The following TMEM255B variants were observed in gnomAD, a reference collection of about 807,000 sequenced individuals.
The protein encoded by TMEM255B is transmembrane protein 255B.
A neutral mutation model predicts 34.5 loss-of-function variants in TMEM255B; 35 were observed. That is an observed-to-expected ratio of 1.01 (90% CI 0.77 to 1.34). The LOEUF (loss-of-function observed/expected upper bound fraction) is 1.34, where lower values mean the gene tolerates loss of function less well. Among genes scored for constraint, TMEM255B ranks in the 40% most tolerant of loss-of-function variants. The probability of loss-of-function intolerance (pLI) is 0.00; values close to 1 mark genes in which losing one functional copy is unlikely to be tolerated. For synonymous variants in TMEM255B, 206 were observed against 201.2 expected (o/e 1.02, Z -0.20); for missense variants, 432 against 433.2 (o/e 1.00, Z 0.02).
chr13:113,788,656 G>C (rs534148456), intron 3 of TMEM255B, among the ~76,000 whole-genome samples: 1 of 152,096 alleles, frequency 6.6e-6, no homozygotes, highest in Non-Finnish European at 1.5e-5. Context: ...TTGCCCATCC[G>C]GGCCCTGGCT....
Position 113,759,356 on chromosome 13 carries a change from G to C in TMEM255B, c.46+41G>C, listed in dbSNP as rs2050253977. On this transcript the variant is annotated intron_variant, in intron 1 of 8. Coordinates refer to ENST00000375353, the MANE Select transcript of TMEM255B (RefSeq NM_182614.4). ...GGGGCTCGTCTCGGCTCCTGCGGGG[G>C]AGCGTGGGGACCCCGGGGCTGGGAC... 1.5e-5 allele frequency: 18 copies of C among 1,228,778 alleles called. No individual in the cohort carries two copies. In the South Asian group the frequency reaches 7.0e-4, roughly 48 times the overall value. 76.1% of individuals were successfully genotyped at this position (1,228,778 alleles called of 1,614,324 possible).
rs978685684 is a variant in TMEM255B at position 113,770,733 on chromosome 13, C to T, written c.252+1573C>T. On this transcript the variant is annotated intron_variant, in intron 3 of 8. Transcript: ENST00000375353. The surrounding 1 kb of genome is among the most constrained non-coding windows in gnomAD (Gnocchi z 4.6). ...AGGGTGGGCAAAGGCCTCACACACA[C>T]CAGTCACAGAATGGTGTTGGAAACA... Among the ~76,000 whole-genome samples the T allele has an allele frequency of 2.0e-5, 3 of 152,144 alleles. No individual in the cohort carries two copies. Among genetic ancestry groups the T allele is most frequent in the Admixed American group, 6.5e-5 (1 of 15,288 alleles).
At chr13:113,761,724 T>C (rs1353419211) in intron 1 of TMEM255B, among the ~76,000 whole-genome samples, 2 of 152,234 alleles carry the variant, frequency 1.3e-5, no homozygotes, top group Non-Finnish European at 2.9e-5. Flanking sequence ...CGTGTCTCAC[T>C]GGACGCTTAT....
intron 3 of TMEM255B, among the ~76,000 whole-genome samples, chr13:113,771,171 G>A (rs1020589969): frequency 6.6e-6 from 1 of 152,106 alleles, no homozygotes; most frequent in Non-Finnish European, 1.5e-5. Flanking sequence ...CCCAGCCTAA[G>A]CAACCAGGAA....
chr13:113,767,044 CTGG>C (rs1373471420), intron 2 of TMEM255B, among the ~76,000 whole-genome samples: 1 of 152,210 alleles, frequency 6.6e-6, no homozygotes, highest in African/African-American at 2.4e-5. Context: ...GCCCCAGAGC[CTGG>C]TTGCTACGTC....
In TMEM255B at chr13:113,813,006, G is replaced by T. The variant is rs2051356899; in HGVS notation, c.*1103G>T. On this transcript the variant is annotated 3_prime_UTR_variant, in exon 9 of 9. Transcript: ENST00000375353. Reference sequence around the variant, plus strand: ...GTCCCGGGTGGGTCACGGGTCCCGAGTGGGTCACGGGTCCCGGGTGGGTCA... The same window carrying T: ...GTCCCGGGTGGGTCACGGGTCCCGATTGGGTCACGGGTCCCGGGTGGGTCA... 1 of 114,206 alleles carries T rather than the reference G, an allele frequency of 8.8e-6. No homozygotes were observed. Among genetic ancestry groups the T allele is most frequent in the Non-Finnish European group, 1.7e-5 (1 of 60,446 alleles). The allele number at this position is 114,206 out of a possible 1,614,324, so 7.1% of individuals were successfully genotyped here. A position where few individuals can be genotyped will look rare whatever the true frequency, so the allele number is the denominator to read the frequency against.
intron 1 of TMEM255B, among the ~76,000 whole-genome samples, chr13:113,761,765 T>G (rs2050312191): frequency 1.3e-5 from 2 of 152,208 alleles, no homozygotes; most frequent in South Asian, 2.1e-4. Context: ...GAGCAGGTGG[T>G]TCTCATGATT....
At chr13:113,800,694 A>T in intron 5 of TMEM255B, 133 bp from the exon 6 acceptor site, 1 of 780,534 alleles carries the variant, frequency 1.3e-6, no homozygotes. Flanking sequence ...GAGTCGGGGG[A>T]AAGTCGGGGG....
chr13:113,774,472 C>A (rs1296632980), intron 3 of TMEM255B, among the ~76,000 whole-genome samples: 1 of 152,164 alleles, frequency 6.6e-6, no homozygotes, highest in African/African-American at 2.4e-5. Flanking sequence ...ACTGGCAATT[C>A]TCCTGTGCCC....
intron 3 of TMEM255B, among the ~76,000 whole-genome samples, chr13:113,772,897 C>T (rs1031272501): frequency 6.6e-6 from 1 of 152,122 alleles, no homozygotes; most frequent in Non-Finnish European, 1.5e-5. Flanking sequence ...CCTTGCAATT[C>T]CATATGAATT....
At chr13:113,805,643 A>G (rs2051157476) in intron 8 of TMEM255B, among the ~76,000 whole-genome samples, 1 of 152,200 alleles carries the variant, frequency 6.6e-6, no homozygotes, top group Non-Finnish European at 1.5e-5. Flanking sequence ...CACTGTAGGC[A>G]TTCAGGGCTG....
rs7399685 is a variant in TMEM255B, at chr13:113,813,974, A to G, written c.*2071A>G. 79,188 of 151,910 alleles carry G rather than the reference A, an allele frequency of 0.52. 22,530 individuals carry two copies. The highest frequency in any genetic ancestry group is 0.76 in the African/African-American group (31,450 of 41,450). 9.4% of individuals were successfully genotyped at this position (151,910 alleles called of 1,614,324 possible). ...GAAGCTGAACAAGCAGCAGAGACCA[A>G]GAGGTTTCTGGAGCGCCGGGAGATG... is the stretch of plus-strand genomic sequence containing the variant. On this transcript the variant is annotated 3_prime_UTR_variant, in exon 9 of 9. Coordinates refer to ENST00000375353, the MANE Select transcript of TMEM255B (RefSeq NM_182614.4).
chr13:113,778,346 G>A (rs1472966468), intron 3 of TMEM255B, among the ~76,000 whole-genome samples: 1 of 152,230 alleles, frequency 6.6e-6, no homozygotes, highest in Non-Finnish European at 1.5e-5. Context: ...CTGCTGTAAC[G>A]ATGTGATGAT....
rs569255630 is a variant in TMEM255B, at chr13:113,806,444, G to A, written c.813+1416G>A. Among the ~76,000 whole-genome samples, 5 of 152,106 alleles carry A rather than the reference G, an allele frequency of 3.3e-5. No homozygotes were observed. The highest frequency in any genetic ancestry group is 6.5e-5 in the Admixed American group (1 of 15,290). On this transcript the variant is annotated intron_variant, in intron 8 of 8. Coordinates refer to ENST00000375353, the MANE Select transcript of TMEM255B (RefSeq NM_182614.4). This position sits in a 1 kb window ranked among gnomAD's most constrained non-coding sequence, Gnocchi z 4.2. Reference sequence around the variant, plus strand: ...AACATCTCCTCGTGGAGGGATCCCTGCACCTCATACCTCAGTCTCCCCTCT... The same window carrying A: ...AACATCTCCTCGTGGAGGGATCCCTACACCTCATACCTCAGTCTCCCCTCT...
chr13:113,763,828 A>G (rs142661635), intron 1 of TMEM255B, among the ~76,000 whole-genome samples: 177 of 152,354 alleles, frequency 1.2e-3, no homozygotes, highest in African/African-American at 3.9e-3. Context: ...TTTCCAGTCC[A>G]ACGAGGGTTG....
chr13:113,781,321 A>G (rs898522419), intron 3 of TMEM255B, among the ~76,000 whole-genome samples: 12 of 152,214 alleles, frequency 7.9e-5, no homozygotes, highest in African/African-American at 2.9e-4. Context: ...TTCCTTTACA[A>G]TCAACCATTC....
At chr13:113,780,491 A>G (rs1166455887) in intron 3 of TMEM255B, among the ~76,000 whole-genome samples, 2 of 152,252 alleles carry the variant, frequency 1.3e-5, no homozygotes, top group Non-Finnish European at 2.9e-5. Flanking sequence ...AAAGCTGTCA[A>G]TAGCTCGCAA....
intron 1 of TMEM255B, among the ~76,000 whole-genome samples, chr13:113,760,040 G>T (rs1376674152): frequency 6.6e-6 from 1 of 152,086 alleles, no homozygotes; most frequent in Non-Finnish European, 1.5e-5. Flanking sequence ...GAGAGGGCTG[G>T]GCAGATTTCA....
Position 113,815,097 on chromosome 13 carries a change from G to A in TMEM255B, c.*3194G>A, listed in dbSNP as rs1297705406. 4 of 152,138 alleles carry A rather than the reference G, an allele frequency of 2.6e-5. No individual in the cohort carries two copies. Among genetic ancestry groups the A allele is most frequent in the African/African-American group, 9.7e-5 (4 of 41,384 alleles). The allele number at this position is 152,138 out of a possible 1,614,324, so 9.4% of individuals were successfully genotyped here. A position where few individuals can be genotyped will look rare whatever the true frequency, so the allele number is the denominator to read the frequency against. On this transcript the variant is annotated 3_prime_UTR_variant, in exon 9 of 9. Coordinates refer to ENST00000375353, the MANE Select transcript of TMEM255B (RefSeq NM_182614.4). ...GACTGGCCCCACCTTATTAGCTTGGGACCTTGGGTTACAGGGAGTCTCCTC... is the reference window on the plus strand; with the variant it reads ...GACTGGCCCCACCTTATTAGCTTGGAACCTTGGGTTACAGGGAGTCTCCTC...
Sources: allele counts gnomAD v4.1 joint callset (sites outside exome capture counted in the v4.1 genomes callset), GRCh38; gene constraint gnomAD v4.1.1; non-coding constraint Gnocchi (gnomAD v3.1); transcripts MANE v1.5; gene names NCBI Gene and HGNC (gene_info 2026-07-23, HGNC 2026-07-21).